Variants in SUZ12 observed in about 807,000 individuals in gnomAD.
SUZ12 encodes polycomb protein SUZ12.
A neutral mutation model predicts 87.3 loss-of-function variants in SUZ12; 17 were observed. The ratio of observed to expected loss-of-function variants is 0.19; its 90% CI spans 0.13 to 0.29. SUZ12 has a LOEUF of 0.29. SUZ12 is among the 10% of genes least tolerant of loss of function. The pLI, the probability that SUZ12 is intolerant of heterozygous loss-of-function variation, is 1.00. For synonymous variants in SUZ12, 253 were observed against 312.4 expected (o/e 0.81, Z 2.01); for missense variants, 526 against 912.2 (o/e 0.58, Z 5.45).
chr17:31,939,056 G>C (rs376879511), intron 1 of SUZ12, among the ~76,000 whole-genome samples: 37 of 151,968 alleles, frequency 2.4e-4, no homozygotes, highest in Non-Finnish European at 4.0e-4. Context: ...ATTTTTCATC[G>C]ACTTAAGTCC....
intron 13 of SUZ12, 76 bp from the exon 14 acceptor site, chr17:31,995,488 G>A: frequency 3.3e-6 from 4 of 1,196,144 alleles, no homozygotes; most frequent in East Asian, 2.4e-5. Flanking sequence ...GATTATCACA[G>A]ATCTCAACTC....
rs1212490834 is a variant in SUZ12, at chr17:31,975,723, T to A, written c.823+10T>A. On this transcript the variant is annotated intron_variant, in intron 7 of 15. Coordinates refer to ENST00000322652, the MANE Select transcript of SUZ12 (RefSeq NM_015355.4). ...ACCAATGAAAATATTGGTAATTTTT[T>A]TTTTTACTAGATTTTATCACTGGAG... The A allele has an allele frequency of 6.3e-7, 1 of 1,596,034 alleles. No homozygotes were observed. The highest frequency in any genetic ancestry group is 1.1e-5 in the South Asian group (1 of 88,166).
intron 4 of SUZ12, among the ~76,000 whole-genome samples, chr17:31,959,896 C>T (rs1396002089): frequency 6.6e-6 from 1 of 152,178 alleles, no homozygotes; most frequent in South Asian, 2.1e-4. Context: ...AAATTCTTTA[C>T]CTGATTTCTT....
In SUZ12 at chr17:31,947,680, T is replaced by C; in HGVS notation, c.450T>C (p.Ser150=). 2 of 1,607,844 alleles carry C rather than the reference T, an allele frequency of 1.2e-6. No individual in the cohort carries two copies. The highest frequency in any genetic ancestry group is 2.7e-5 in the African/African-American group (2 of 74,816). The change falls in exon 4 of 16, where the codon TCT becomes TCC. Residue 150 remains serine, a synonymous_variant. Coordinates refer to ENST00000322652, the MANE Select transcript of SUZ12 (RefSeq NM_015355.4). The part of the protein sequence containing the change: ...KVEKMKGEQE[S]HSLSAHLQLT... ...AGAAAATGAAAGGAGAGCAAGAATC[T>C]CATAGGTAAGATAATCTATCAGTTT...
Position 31,990,121 on chromosome 17 carries a change from A to ATTTTT in SUZ12, c.1201+1645_1201+1649dup, listed in dbSNP as rs59793925. On this transcript the variant is annotated intron_variant, in intron 10 of 15. Coordinates refer to ENST00000322652, the MANE Select transcript of SUZ12 (RefSeq NM_015355.4). ...AGGCGCCGGCCACCATGCCCGGCTA[A>ATTTTT]TTTTTTTTTTTTTTTTTTTTTTTTT... 3.3e-3 allele frequency among the ~76,000 whole-genome samples: 326 copies of ATTTTT among 99,752 alleles called. 1 individual carries two copies. The highest frequency in any genetic ancestry group is 0.011 in the African/African-American group (241 of 21,620). The allele number at this position is 99,752 out of a possible 152,430, so 65.4% of individuals were successfully genotyped here.
chr17:31,963,687 AT>A (rs1555587936), intron 4 of SUZ12: 6 of 147,406 alleles, frequency 4.1e-5, no homozygotes, highest in Admixed American at 1.4e-4. Context: ...CACGCCTGGC[AT>A]TTTTTTTTGT....
At chr17:31,995,044 C>T (rs1461460261) in intron 13 of SUZ12, among the ~76,000 whole-genome samples, 1 of 152,012 alleles carries the variant, frequency 6.6e-6, no homozygotes, top group Admixed American at 6.6e-5. Context: ...TGCAGTGAGC[C>T]GAGGTTGTGC....
At chr17:31,971,129 C>A (rs1908404458) in intron 5 of SUZ12, among the ~76,000 whole-genome samples, 1 of 152,060 alleles carries the variant, frequency 6.6e-6, no homozygotes, top group Non-Finnish European at 1.5e-5. Flanking sequence ...TTTTTGTTAT[C>A]CCATTTAAAC....
chr17:31,958,315 C>T (rs760736770), intron 4 of SUZ12, among the ~76,000 whole-genome samples: 2 of 151,364 alleles, frequency 1.3e-5, no homozygotes, highest in African/African-American at 2.4e-5. Flanking sequence ...GGATTACAGG[C>T]GTGAGCCACT....
chr17:31,988,582 C>A, intron 10 of SUZ12, 85 bp downstream of exon 10: 1 of 1,305,636 alleles, frequency 7.7e-7, no homozygotes, highest in South Asian at 1.7e-5. Context: ...TTGTGTTTTG[C>A]TTTATGTGAT....
chr17:31,968,005 T>G (rs1305408968), intron 5 of SUZ12, among the ~76,000 whole-genome samples: 2 of 152,026 alleles, frequency 1.3e-5, no homozygotes, highest in African/African-American at 4.8e-5. Flanking sequence ...AAAAAAAGAT[T>G]AACTGGGCAC....
chr17:31,993,158 T>A, intron 10 of SUZ12, 84 bp from the exon 11 acceptor site: 1 of 804,192 alleles, frequency 1.2e-6, no homozygotes, highest in Non-Finnish European at 1.9e-6. Context: ...GTGAAACCTT[T>A]AATATTTAAT....
intron 5 of SUZ12, among the ~76,000 whole-genome samples, chr17:31,971,159 A>ATTTCTACAG (rs1908405586): frequency 6.6e-6 from 1 of 152,188 alleles, no homozygotes; most frequent in Non-Finnish European, 1.5e-5. Flanking sequence ...ATTCTGGGGA[A>ATTTCTACAG]AGCATCTAAA....
At chr17:31,975,820 A>G (rs1372628116) in intron 7 of SUZ12, 107 bp downstream of exon 7, 7 of 864,530 alleles carry the variant, frequency 8.1e-6, no homozygotes, top group Non-Finnish European at 1.2e-5. Context: ...TCTTAAAGCA[A>G]ACAGTGAATT....
chr17:31,989,655 G>A (rs1909603397), intron 10 of SUZ12, among the ~76,000 whole-genome samples: 1 of 151,934 alleles, frequency 6.6e-6, no homozygotes, highest in Non-Finnish European at 1.5e-5. Flanking sequence ...CTGGAGTGCA[G>A]TGGCTTAATC....
At chr17:31,964,476 G>A (rs1283460558) in intron 4 of SUZ12, among the ~76,000 whole-genome samples, 3 of 150,912 alleles carry the variant, frequency 2.0e-5, no homozygotes, top group East Asian at 3.9e-4. Flanking sequence ...GCGCAATCTC[G>A]GCTCACTGTA....
chr17:31,946,729 G>A (rs1906661125), intron 3 of SUZ12, among the ~76,000 whole-genome samples: 1 of 152,068 alleles, frequency 6.6e-6, no homozygotes, highest in African/African-American at 2.4e-5. Context: ...ATTATATATG[G>A]GTATAGATTT....
chr17:31,988,108 T>G (rs1567835581), intron 9 of SUZ12, among the ~76,000 whole-genome samples: 1 of 152,182 alleles, frequency 6.6e-6, no homozygotes, highest in Non-Finnish European at 1.5e-5. Context: ...GTCGCCTCTT[T>G]TAGACAGCCT....
intron 7 of SUZ12, 56 bp from the exon 8 acceptor site, chr17:31,976,462 ATAT>A: frequency 2.3e-5 from 24 of 1,053,124 alleles, no homozygotes; most frequent in Non-Finnish European, 2.7e-5. Flanking sequence ...AAGGGACCAT[ATAT>A]CATAACACAT....
Sources: allele counts gnomAD v4.1 joint callset (sites outside exome capture counted in the v4.1 genomes callset), GRCh38; gene constraint gnomAD v4.1.1; transcripts MANE v1.5; gene names NCBI Gene and HGNC (gene_info 2026-07-23, HGNC 2026-07-21).